The following METTL8 variants were observed in gnomAD, a reference collection of about 807,000 sequenced individuals.
METTL8 encodes the protein methyltransferase 8, tRNA N3-cytidine.
A neutral mutation model predicts 48.7 loss-of-function variants in METTL8; 32 were observed. The observed-to-expected ratio is 0.66, with a 90% CI of 0.50 to 0.88. The LOEUF (loss-of-function observed/expected upper bound fraction) is 0.88. METTL8 is among the 40% of genes least tolerant of loss of function. The probability of loss-of-function intolerance (pLI) is 0.00; values close to 1 mark genes in which losing one functional copy is unlikely to be tolerated. For synonymous variants in METTL8, 136 were observed against 157.1 expected, an observed-to-expected ratio of 0.87 and a Z score of 1.01; for missense variants, 464 against 474.4, an observed-to-expected ratio of 0.98 and a Z score of 0.20.
At chr2:171,407,233 C>G (rs962916794) in intron 1 of METTL8, among the ~76,000 whole-genome samples, 3 of 151,976 alleles carry the variant, frequency 2.0e-5, no homozygotes, top group Non-Finnish European at 4.4e-5. Context: ...AGGGACCCAG[C>G]AACTTGGGAG....
chr2:171,429,823 T>C lies in METTL8; in HGVS notation c.-13+4060A>G, dbSNP rs967152622. Reference sequence around the variant, plus strand: ...GGGAGGCAGACGCAGGCAGATCACCTGAGGTCAGGAGTTTGAGACCAGCCT... The same window carrying C: ...GGGAGGCAGACGCAGGCAGATCACCCGAGGTCAGGAGTTTGAGACCAGCCT... On this transcript the variant is annotated intron_variant, in intron 1 of 9. Transcript: ENST00000375258. Among the ~76,000 whole-genome samples the C allele has an allele frequency of 7.2e-5, 11 of 152,280 alleles. No homozygotes were observed. The East Asian group carries it at 2.1e-3, about 29-fold the overall frequency.
At chr2:171,333,842 A>G (rs1269741335) in intron 5 of METTL8, among the ~76,000 whole-genome samples, 1 of 152,122 alleles carries the variant, frequency 6.6e-6, no homozygotes, top group Non-Finnish European at 1.5e-5. Flanking sequence ...TCTCTTCTTT[A>G]ATTCAATTCC....
intron 1 of METTL8, among the ~76,000 whole-genome samples, chr2:171,392,927 T>A (rs1176826783): frequency 6.9e-6 from 1 of 145,964 alleles, no homozygotes; most frequent in Non-Finnish European, 1.5e-5. Flanking sequence ...GAAAACCCCA[T>A]CTTTACTAAA....
In METTL8 at chr2:171,316,354, G is replaced by A. The variant is rs6722670; in HGVS notation, c.*7818C>T. On this transcript the variant is annotated 3_prime_UTR_variant, in exon 10 of 10. Coordinates refer to ENST00000375258, the MANE Select transcript of METTL8 (RefSeq NM_001321154.2). ...GAAATGAGCAGCAGTGCTGAATGGG[G>A]AAGCCTGGATCCATGGTTTTTTCCT... 0.76 allele frequency among the ~76,000 whole-genome samples: 115,551 copies of A among 152,174 alleles called. 44,139 individuals carry two copies. The highest frequency in any genetic ancestry group is 1 in the East Asian group (5,174 of 5,182).
chr2:171,327,053 G>C (rs1685035300), intron 7 of METTL8: 2 of 152,154 alleles, frequency 1.3e-5, no homozygotes, highest in African/African-American at 2.4e-5. Context: ...TGTCATGCTT[G>C]GCCCTGAGCA....
At chr2:171,349,720 A>AT (rs978907154) in intron 3 of METTL8, among the ~76,000 whole-genome samples, 4 of 151,872 alleles carry the variant, frequency 2.6e-5, no homozygotes, top group African/African-American at 9.7e-5. Context: ...TCTATTTTTT[A>AT]TTTTTTTAGG....
chr2:171,335,555 G>C lies in METTL8; in HGVS notation c.656+1898C>G, dbSNP rs895028696. Among the ~76,000 whole-genome samples, 6 of 152,138 alleles carry C rather than the reference G, an allele frequency of 3.9e-5. 1 individual carries two copies. The highest frequency in any genetic ancestry group is 6.5e-5 in the Admixed American group (1 of 15,276). On this transcript the variant is annotated intron_variant, in intron 5 of 9. Coordinates refer to ENST00000375258, the MANE Select transcript of METTL8 (RefSeq NM_001321154.2). ...TTCTCCTGCCTCAGCCTCCCGAGTA[G>C]CTAGGATTACAATTGTGCACCACCA...
At chr2:171,419,304 T>G (rs922986712) in intron 1 of METTL8, among the ~76,000 whole-genome samples, 19 of 152,308 alleles carry the variant, frequency 1.2e-4, no homozygotes, top group Non-Finnish European at 1.5e-4. Flanking sequence ...ACCAAGTATA[T>G]ACATATATCT....
intron 1 of METTL8, among the ~76,000 whole-genome samples, chr2:171,394,454 A>T: frequency 6.6e-6 from 1 of 152,150 alleles, no homozygotes; most frequent in Non-Finnish European, 1.5e-5. Context: ...GTAGACAGAG[A>T]CAAAAAGATA....
chr2:171,359,703 C>G (rs555903432), intron 3 of METTL8, among the ~76,000 whole-genome samples: 1 of 150,074 alleles, frequency 6.7e-6, no homozygotes, highest in African/African-American at 2.5e-5. Flanking sequence ...ACCTCTGCCT[C>G]CTGAGTTCAA....
chr2:171,342,688 C>G (rs992419188), intron 3 of METTL8, among the ~76,000 whole-genome samples: 10 of 152,024 alleles, frequency 6.6e-5, no homozygotes, highest in Non-Finnish European at 1.2e-4. Context: ...AAGCAGCCAT[C>G]TAAGAAGACT....
intron 2 of METTL8, among the ~76,000 whole-genome samples, chr2:171,367,889 C>T (rs1483759027): frequency 3.3e-5 from 5 of 152,138 alleles, no homozygotes; most frequent in East Asian, 1.9e-4. Context: ...CTCAAACTGT[C>T]GTCCACCCTT....
intron 2 of METTL8, 134 bp downstream of exon 2, chr2:171,391,909 C>T: frequency 2.4e-6 from 2 of 817,084 alleles, no homozygotes; most frequent in South Asian, 4.0e-5. Context: ...GGATCGGTTA[C>T]CCTAGCTTTT....
intron 2 of METTL8, among the ~76,000 whole-genome samples, chr2:171,380,062 GCTT>G (rs1318672232): frequency 6.6e-6 from 1 of 152,140 alleles, no homozygotes; most frequent in Non-Finnish European, 1.5e-5. Flanking sequence ...AATCAACTTG[GCTT>G]CATCCCTGTG....
chr2:171,342,726 A>T (rs1364478720), intron 3 of METTL8, among the ~76,000 whole-genome samples: 1 of 152,202 alleles, frequency 6.6e-6, no homozygotes, highest in Non-Finnish European at 1.5e-5. Flanking sequence ...CTAGTATTTG[A>T]GTTTACAATA....
At chr2:171,343,795 G>T (rs1687011285) in intron 3 of METTL8, among the ~76,000 whole-genome samples, 1 of 152,166 alleles carries the variant, frequency 6.6e-6, no homozygotes, top group Non-Finnish European at 1.5e-5. Context: ...TAAGCGCCAT[G>T]AATTTATGGA....
At chr2:171,332,826 T>C (rs902972359) in intron 5 of METTL8, 31 of 152,060 alleles carry the variant, frequency 2.0e-4, no homozygotes, top group African/African-American at 6.5e-4. Flanking sequence ...GGAGGATGTA[T>C]TGTTAAGTGA....
intron 2 of METTL8, among the ~76,000 whole-genome samples, chr2:171,374,215 G>A (rs1350287716): frequency 2.0e-5 from 3 of 152,110 alleles, no homozygotes; most frequent in Non-Finnish European, 4.4e-5. Flanking sequence ...TGAAGCAATT[G>A]TGAATGGGAG....
intron 2 of METTL8, among the ~76,000 whole-genome samples, chr2:171,363,292 G>A (rs1243100502): frequency 6.6e-6 from 1 of 151,706 alleles, no homozygotes; most frequent in Non-Finnish European, 1.5e-5. Context: ...TATTTATGGG[G>A]ACTTCCTCCA....
Sources: gnomAD v4.1 joint callset for allele counts (sites outside exome capture counted in the v4.1 genomes callset) on GRCh38, gnomAD v4.1.1 for gene constraint, MANE v1.5 for transcripts, NCBI Gene and HGNC (gene_info 2026-07-23, HGNC 2026-07-21) for gene names.